Variants in TRIM33 observed in about 807,000 individuals in gnomAD.
TRIM33 encodes the protein tripartite motif containing 33.
Under a neutral mutation model 125.4 loss-of-function variants are expected in TRIM33, and 20 were observed. The ratio of observed to expected loss-of-function variants is 0.16; its 90% CI spans 0.11 to 0.23. TRIM33 has a LOEUF of 0.23. Ranked by LOEUF, TRIM33 falls within the 10% of genes least tolerant of loss-of-function variation. The pLI, the probability that TRIM33 is intolerant of heterozygous loss-of-function variation, is 1.00. For missense variants in TRIM33, 920 were observed against 1,411.4 expected, an observed-to-expected ratio of 0.65 and a Z score of 5.58; for synonymous variants, 564 against 513.9, an observed-to-expected ratio of 1.10 and a Z score of -1.32.
At chr1:114,496,757 T>C (rs1396207869) in intron 1 of TRIM33, among the ~76,000 whole-genome samples, 1 of 152,260 alleles carries the variant, frequency 6.6e-6, no homozygotes, top group East Asian at 1.9e-4. Context: ...GGCTAATGAA[T>C]GAGCCACTCA....
chr1:114,509,549 C>A (rs1028057113), intron 1 of TRIM33, among the ~76,000 whole-genome samples: 3 of 152,200 alleles, frequency 2.0e-5, no homozygotes, highest in Admixed American at 2.0e-4. Context: ...AAACCTTTAT[C>A]TTTTCAGCCC....
At position 114,397,924 on chromosome 1, in the gene TRIM33, G is replaced by A; in HGVS notation, c.3171+16C>T. Reference sequence around the variant, plus strand: ...GCATATTCCTTCACCAAGTTTGCATGGTCTGAAAAGCTTACCTTCAAATTA... The same window carrying A: ...GCATATTCCTTCACCAAGTTTGCATAGTCTGAAAAGCTTACCTTCAAATTA... On this transcript the variant is annotated intron_variant, in intron 19 of 19. Coordinates refer to ENST00000358465, the MANE Select transcript of TRIM33 (RefSeq NM_015906.4). 1.2e-6 allele frequency: 2 copies of A among 1,613,586 alleles called. No homozygotes were observed.
At chr1:114,485,704 G>A (rs563380628) in intron 1 of TRIM33, among the ~76,000 whole-genome samples, 1 of 152,328 alleles carries the variant, frequency 6.6e-6, no homozygotes, top group African/African-American at 2.4e-5. Context: ...GTGGTGTCAG[G>A]AGGCCCAAGG....
chr1:114,408,195 TAGGA>T (rs1652370513), intron 13 of TRIM33, among the ~76,000 whole-genome samples: 1 of 152,124 alleles, frequency 6.6e-6, no homozygotes, highest in Non-Finnish European at 1.5e-5. Flanking sequence ...GAAAACACTG[TAGGA>T]GAAACTACAT....
In TRIM33 at chr1:114,510,879, C is replaced by A. The variant is rs1473737278; in HGVS notation, c.198G>T (p.Gly66=). Residue 66 remains glycine, a synonymous_variant, in exon 1 of 20, where the codon GGG becomes GGT. Coordinates refer to ENST00000358465, the MANE Select transcript of TRIM33 (RefSeq NM_015906.4). ...EGGAAGPDDG[G]VAAASSGSAQ... is the part of the protein sequence containing the mutation. The stretch of plus-strand genomic sequence containing the variant: ...CCGAGCCCGAGGAGGCCGCGGCCAC[C>A]CCCCCGTCGTCGGGCCCGGCCGCGC... The A allele has an allele frequency of 2.8e-6, 4 of 1,453,268 alleles. No homozygotes were observed. Among genetic ancestry groups the A allele is most frequent in the Admixed American group, 2.6e-5 (1 of 38,460 alleles). The allele number at this position is 1,453,268 out of a possible 1,614,324, so 90.0% of individuals were successfully genotyped here. A position where few individuals can be genotyped will look rare whatever the true frequency, so the allele number is the denominator to read the frequency against.
rs941172541 is a variant in TRIM33, at chr1:114,393,214, G to A, written c.*4434C>T. 20 of 212,616 alleles carry A rather than the reference G, an allele frequency of 9.4e-5. No individual in the cohort carries two copies. The highest frequency in any genetic ancestry group is 4.1e-4 in the African/African-American group (18 of 44,222). The allele number at this position is 212,616 out of a possible 1,614,324, so 13.2% of individuals were successfully genotyped here. On this transcript the variant is annotated 3_prime_UTR_variant, in exon 20 of 20. Coordinates refer to ENST00000358465, the MANE Select transcript of TRIM33 (RefSeq NM_015906.4). ...ATTTAACCCTTTCGTGTGTAGGTAT[G>A]TCTACATAAAAAATTAACAGGCTTT...
At chr1:114,503,489 A>G (rs1652825388) in intron 1 of TRIM33, among the ~76,000 whole-genome samples, 1 of 152,234 alleles carries the variant, frequency 6.6e-6, no homozygotes, top group South Asian at 2.1e-4. Context: ...AAAAATAAAA[A>G]TAATAAAATA....
In TRIM33 at chr1:114,396,437, G is replaced by A. The variant is rs185696017; in HGVS notation, c.*1211C>T. ...GACAGATGAGTAATCTAACCCCACC[G>A]GGTTTATTTCAATATTTCGATATTT... On this transcript the variant is annotated 3_prime_UTR_variant, in exon 20 of 20. Coordinates refer to ENST00000358465, the MANE Select transcript of TRIM33 (RefSeq NM_015906.4). 2 of 197,720 alleles carry A rather than the reference G, an allele frequency of 1.0e-5. No individual in the cohort carries two copies. The highest frequency in any genetic ancestry group is 6.1e-5 in the Admixed American group (1 of 16,524). 12.2% of individuals were successfully genotyped at this position (197,720 alleles called of 1,614,324 possible). A position where few individuals can be genotyped will look rare whatever the true frequency, so the allele number is the denominator to read the frequency against.
At chr1:114,414,321 A>C (rs1187383973) in intron 11 of TRIM33, among the ~76,000 whole-genome samples, 1 of 152,194 alleles carries the variant, frequency 6.6e-6, no homozygotes, top group Middle Eastern at 3.2e-3. Context: ...TTTCTCACTG[A>C]GTTTAGGATA....
intron 1 of TRIM33, among the ~76,000 whole-genome samples, chr1:114,495,516 A>C (rs1652320626): frequency 6.6e-6 from 1 of 152,232 alleles, no homozygotes; most frequent in Admixed American, 6.5e-5. Flanking sequence ...ATAACACGAA[A>C]AAGTTTTATC....
At chr1:114,481,661 GTA>G (rs372247789) in intron 1 of TRIM33, among the ~76,000 whole-genome samples, 9,309 of 144,938 alleles carry the variant, frequency 0.064, 313 homozygotes, top group African/African-American at 0.09. Flanking sequence ...GTGTGTGTGT[GTA>G]TATATATGTG....
At chr1:114,401,028 CTTTT>C (rs944429313) in intron 17 of TRIM33, among the ~76,000 whole-genome samples, 2 of 142,448 alleles carry the variant, frequency 1.4e-5, no homozygotes, top group South Asian at 2.2e-4. Context: ...AGGCCATACT[CTTTT>C]TTTTTTTTTT....
chr1:114,469,768 G>C (rs1432051644), intron 1 of TRIM33, among the ~76,000 whole-genome samples: 1 of 152,174 alleles, frequency 6.6e-6, no homozygotes, highest in East Asian at 1.9e-4. Context: ...TGCTGAATAT[G>C]TTGCCCACTC....
At chr1:114,490,084 C>CAAAAAAAAAAAAAAAAAAA (rs776451339) in intron 1 of TRIM33, among the ~76,000 whole-genome samples, 1 of 37,644 alleles carries the variant, frequency 2.7e-5, no homozygotes, top group African/African-American at 1.0e-4. Flanking sequence ...GACTCCGTCT[C>CAAAAAAAAAAAAAAAAAAA]AAAAAAAAAA....
At position 114,500,909 on chromosome 1, in the gene TRIM33, G is replaced by GAGGGACTTGGCAGGCAGTTCTGGCTTAGT. The variant is rs1570678933; in HGVS notation, c.526+9641_526+9642insACTAAGCCAGAACTGCCTGCCAAGTCCCT. On this transcript the variant is annotated intron_variant, in intron 1 of 19. Transcript: ENST00000358465. ...CAGCTTTCTTGAAACAAGAATTTGG[G>GAGGGACTTGGCAGGCAGTTCTGGCTTAGT]GCCGGGCGCGGTGGCTCACGCCTGT... 1.3e-3 allele frequency among the ~76,000 whole-genome samples: 180 copies of GAGGGACTTGGCAGGCAGTTCTGGCTTAGT among 134,238 alleles called. 1 individual carries two copies. The highest frequency in any genetic ancestry group is 3.3e-3 in the South Asian group (14 of 4,294). The allele number at this position is 134,238 out of a possible 152,430, so 88.1% of individuals were successfully genotyped here.
intron 4 of TRIM33, among the ~76,000 whole-genome samples, chr1:114,436,909 G>C (rs938876001): frequency 6.6e-6 from 1 of 152,158 alleles, no homozygotes; most frequent in Non-Finnish European, 1.5e-5. Flanking sequence ...AACAAATAAA[G>C]CAGAAATATG....
chr1:114,393,003 C>T lies in TRIM33; in HGVS notation c.*4645G>A, dbSNP rs1462586338. The T allele has an allele frequency of 1.0e-5, 2 of 200,498 alleles. No individual in the cohort carries two copies. The highest frequency in any genetic ancestry group is 4.6e-5 in the African/African-American group (2 of 43,506). 12.4% of individuals were successfully genotyped at this position (200,498 alleles called of 1,614,324 possible). A position where few individuals can be genotyped will look rare whatever the true frequency, so the allele number is the denominator to read the frequency against. On this transcript the variant is annotated 3_prime_UTR_variant, in exon 20 of 20. Coordinates refer to ENST00000358465, the MANE Select transcript of TRIM33 (RefSeq NM_015906.4). ...ACAGGAACGAAACAATTAGAAACTG[C>T]AACCTTGTTTTAAAAAATTAAATAT...
chr1:114,479,205 A>G (rs1185181119), intron 1 of TRIM33, among the ~76,000 whole-genome samples: 1 of 152,258 alleles, frequency 6.6e-6, no homozygotes, highest in Non-Finnish European at 1.5e-5. Flanking sequence ...CATAAATGTA[A>G]TAAAAGTCAC....
In TRIM33 at chr1:114,477,042, T is replaced by C. The variant is rs562724569; in HGVS notation, c.527-12654A>G. On this transcript the variant is annotated intron_variant, in intron 1 of 19. Coordinates refer to ENST00000358465, the MANE Select transcript of TRIM33 (RefSeq NM_015906.4). The stretch of plus-strand genomic sequence containing the variant: ...GAAAACTGCAGACCACTCCAGCGTA[T>C]TGACTCTACATTTCTAAATGAAATA... Among the ~76,000 whole-genome samples, 27 of 152,308 alleles carry C rather than the reference T, an allele frequency of 1.8e-4. No individual in the cohort carries two copies. The South Asian group carries it at 4.3e-3, about 25-fold the overall frequency.
Sources: allele counts gnomAD v4.1 joint callset (sites outside exome capture counted in the v4.1 genomes callset), GRCh38; gene constraint gnomAD v4.1.1; transcripts MANE v1.5; gene names NCBI Gene and HGNC (gene_info 2026-07-23, HGNC 2026-07-21).